The following RFX8 variants were observed in gnomAD, a reference collection of about 807,000 sequenced individuals.
RFX8 encodes the protein regulatory factor X8, also known as DNA-binding protein RFX8.
Under a neutral mutation model 54.6 loss-of-function variants are expected in RFX8, and 46 were observed. That is an observed-to-expected ratio of 0.84 (90% confidence interval 0.67 to 1.08). The LOEUF is 1.08. RFX8 is among the 50% of genes least tolerant of loss of function. The pLI is 0.00. For synonymous variants in RFX8, 192 were observed against 209.5 expected, an observed-to-expected ratio of 0.92 and a Z score of 0.72; for missense variants, 536 against 562.3, an observed-to-expected ratio of 0.95 and a Z score of 0.47.
intron 4 of RFX8, among the ~76,000 whole-genome samples, chr2:101,420,881 T>C (rs1686824601): frequency 6.6e-6 from 1 of 152,248 alleles, no homozygotes. Context: ...CATTACCAAC[T>C]ACTAACTTCT....
chr2:101,457,063 A>G (rs1187979765), intron 2 of RFX8, among the ~76,000 whole-genome samples: 1 of 152,122 alleles, frequency 6.6e-6, no homozygotes, highest in African/African-American at 2.4e-5. Context: ...CCCCTTTATC[A>G]TTGTTTATTG....
intron 2 of RFX8, among the ~76,000 whole-genome samples, chr2:101,426,647 T>C (rs7607798): frequency 0.059 from 9,061 of 152,302 alleles, 500 homozygotes; most frequent in East Asian, 0.18. Flanking sequence ...GTTTGAGATT[T>C]TGACAGACCC....
At position 101,418,784 on chromosome 2, in the gene RFX8, T is replaced by A. The variant is rs1686686106; in HGVS notation, c.351+67A>T. ...GACTGCAGAGAGGTGGAGCTGTGGG[T>A]CCAAACCCAGCATTTGCTGCCAATT... is the stretch of plus-strand genomic sequence containing the variant. On this transcript the variant is annotated intron_variant, in intron 5 of 11. Coordinates refer to ENST00000428343, the MANE Select transcript of RFX8 (RefSeq NM_001145664.2). 5 of 971,608 alleles carry A rather than the reference T, an allele frequency of 5.1e-6. No individual in the cohort carries two copies. In the East Asian group the frequency reaches 1.3e-4, roughly 25 times the overall value. The allele number at this position is 971,608 out of a possible 1,614,324, so 60.2% of individuals were successfully genotyped here.
At chr2:101,447,136 C>T (rs1688433370) in intron 2 of RFX8, among the ~76,000 whole-genome samples, 2 of 152,166 alleles carry the variant, frequency 1.3e-5, no homozygotes, top group South Asian at 4.1e-4. Flanking sequence ...ACTGACTCAA[C>T]CAACTGCCAG....
At chr2:101,401,502 C>G (rs1434918435) in intron 11 of RFX8, among the ~76,000 whole-genome samples, 1 of 152,190 alleles carries the variant, frequency 6.6e-6, no homozygotes, top group Non-Finnish European at 1.5e-5. Context: ...CAATTTCCTA[C>G]TAAGCACAAC....
intron 2 of RFX8, chr2:101,452,377 A>G: frequency 2.1e-6 from 3 of 1,415,188 alleles, no homozygotes; most frequent in Non-Finnish European, 2.8e-6. Context: ...CAAAAATTCT[A>G]AACCTACCTG....
intron 11 of RFX8, 42 bp from the exon 12 acceptor site, chr2:101,397,766 C>T (rs1240446742): frequency 2.0e-6 from 3 of 1,487,734 alleles, no homozygotes; most frequent in East Asian, 2.5e-5. Context: ...TAAAAAGAGA[C>T]AGATACTATT....
chr2:101,470,091 C>A (rs1396554166), intron 1 of RFX8, among the ~76,000 whole-genome samples: 2 of 151,208 alleles, frequency 1.3e-5, no homozygotes, highest in Non-Finnish European at 2.9e-5. Context: ...GTTGCCTCAG[C>A]CTTCAGTGTC....
intron 1 of RFX8, among the ~76,000 whole-genome samples, chr2:101,468,210 A>C (rs1460001096): frequency 6.6e-6 from 1 of 152,202 alleles, no homozygotes; most frequent in East Asian, 1.9e-4. Flanking sequence ...CAGTGGCCTC[A>C]AACAACAGAA....
At position 101,427,066 on chromosome 2, in the gene RFX8, C is replaced by A. The variant is rs1196661732; in HGVS notation, c.73-4594G>T. ...TGGGTTCCACACACGTTTGTCATCA[C>A]CTCCCGGCTCCAATGCAGGCTACAC... On this transcript the variant is annotated intron_variant, in intron 2 of 11. Transcript: ENST00000428343. 5.9e-5 allele frequency among the ~76,000 whole-genome samples: 9 copies of A among 152,162 alleles called. No homozygotes were observed. The East Asian group carries it at 1.7e-3, about 29-fold the overall frequency.
Position 101,474,956 on chromosome 2 carries a change from C to T in RFX8, c.-373G>A, listed in dbSNP as rs1690233624. 6.6e-6 allele frequency among the ~76,000 whole-genome samples: 1 copy of T among 152,182 alleles called. No homozygotes were observed. Among genetic ancestry groups the T allele is most frequent in the Non-Finnish European group, 1.5e-5 (1 of 68,040 alleles). On this transcript the variant is annotated 5_prime_UTR_variant, in exon 1 of 12. Transcript: ENST00000428343. The stretch of plus-strand genomic sequence containing the variant: ...CTTCTAGGAGGCTGGTCCCAGGTGA[C>T]TCCAGTGTGCTGCTCCAGGTGAGCA...
chr2:101,452,933 C>T (rs4851453), intron 2 of RFX8, among the ~76,000 whole-genome samples: 10,230 of 85,716 alleles, frequency 0.12, 608 homozygotes, highest in African/African-American at 0.19. Flanking sequence ...GGTGAAACCC[C>T]GTCTCTGCTA....
rs945910340 is a variant in RFX8, at chr2:101,405,808, G to T, written c.928+135C>A. 1.8e-5 allele frequency: 9 copies of T among 509,016 alleles called. No individual in the cohort carries two copies. In the East Asian group the frequency reaches 2.3e-4, roughly 13 times the overall value. The allele number at this position is 509,016 out of a possible 1,614,324, so 31.5% of individuals were successfully genotyped here. A position where few individuals can be genotyped will look rare whatever the true frequency, so the allele number is the denominator to read the frequency against. On this transcript the variant is annotated intron_variant, in intron 10 of 11. Transcript: ENST00000428343. The stretch of plus-strand genomic sequence containing the variant: ...TTACTATCGTGTTGTATGGTTTGCT[G>T]TATCTATGTTATATTTTACATAGAA...
chr2:101,451,966 AC>A (rs1408003338), intron 2 of RFX8, among the ~76,000 whole-genome samples: 1 of 151,560 alleles, frequency 6.6e-6, no homozygotes, highest in Non-Finnish European at 1.5e-5. Flanking sequence ...GGTGGGACAC[AC>A]CTGCAGTCCT....
At chr2:101,423,734 A>G (rs1687004909) in intron 2 of RFX8, among the ~76,000 whole-genome samples, 1 of 152,154 alleles carries the variant, frequency 6.6e-6, no homozygotes, top group East Asian at 1.9e-4. Flanking sequence ...ATCTGAGGGC[A>G]GGGCAGCTTC....
rs571200486 is a variant in RFX8 at position 101,397,808 on chromosome 2, C to T, written c.1246-84G>A. ...TGCAGGAACTACCATTTGAATTCTT[C>T]TACCAAGCCCGTGCTCCCACCCTGG... On this transcript the variant is annotated intron_variant, in intron 11 of 11. Coordinates refer to ENST00000428343, the MANE Select transcript of RFX8 (RefSeq NM_001145664.2). 5 of 1,205,518 alleles carry T rather than the reference C, an allele frequency of 4.1e-6. No individual in the cohort carries two copies. The East Asian group carries it at 1.1e-4, about 26-fold the overall frequency. 74.7% of individuals were successfully genotyped at this position (1,205,518 alleles called of 1,614,324 possible). A position where few individuals can be genotyped will look rare whatever the true frequency, so the allele number is the denominator to read the frequency against.
intron 11 of RFX8, among the ~76,000 whole-genome samples, chr2:101,400,725 G>A (rs908897951): frequency 2.0e-5 from 3 of 152,130 alleles, no homozygotes; most frequent in African/African-American, 7.2e-5. Flanking sequence ...TGCTCCAGCC[G>A]GTGAGCGCAA....
chr2:101,447,377 G>C (rs1172064910), intron 2 of RFX8, among the ~76,000 whole-genome samples: 1 of 152,190 alleles, frequency 6.6e-6, no homozygotes, highest in Non-Finnish European at 1.5e-5. Context: ...ACCTTAGACT[G>C]GGTACTTTAT....
chr2:101,455,430 A>C (rs1688914256), intron 2 of RFX8, among the ~76,000 whole-genome samples: 1 of 152,222 alleles, frequency 6.6e-6, no homozygotes, highest in Non-Finnish European at 1.5e-5. Context: ...AGCTTTCTAC[A>C]TATGGTTAGC....
Sources: allele counts gnomAD v4.1 joint callset (sites outside exome capture counted in the v4.1 genomes callset), GRCh38; gene constraint gnomAD v4.1.1; transcripts MANE v1.5; gene names NCBI Gene and HGNC (gene_info 2026-07-23, HGNC 2026-07-21).